CNTNAP4: variants seen among roughly 807,000 people sequenced by gnomAD.
The protein encoded by CNTNAP4 is contactin-associated protein-like 4.
CNTNAP4 carries 98 observed loss-of-function variants against 148.4 expected under a neutral mutation model. That is an observed-to-expected ratio of 0.66 (90% confidence interval 0.56 to 0.78). The LOEUF (loss-of-function observed/expected upper bound fraction) is 0.78, where lower values mean the gene tolerates loss of function less well. CNTNAP4 is among the 30% of genes least tolerant of loss of function. The probability of loss-of-function intolerance (pLI) is 0.00; values close to 1 mark genes in which losing one functional copy is unlikely to be tolerated. For missense variants in CNTNAP4, 1,935 were observed against 1,565.6 expected (o/e 1.24, Z -3.98); for synonymous variants, 730 against 565.1 (o/e 1.29, Z -4.14).
intron 4 of CNTNAP4, among the ~76,000 whole-genome samples, chr16:76,435,227 A>C (rs979069878): frequency 6.6e-6 from 1 of 152,092 alleles, no homozygotes; most frequent in Non-Finnish European, 1.5e-5. Flanking sequence ...TTATAATTCA[A>C]ATGAGTCTTT....
At chr16:76,443,420 C>T (rs1304748026) in intron 4 of CNTNAP4, among the ~76,000 whole-genome samples, 1 of 152,038 alleles carries the variant, frequency 6.6e-6, no homozygotes, top group African/African-American at 2.4e-5. Flanking sequence ...TCCATTTCTG[C>T]CAAAAATACA....
chr16:76,426,100 G>A (rs2079388537), intron 3 of CNTNAP4, among the ~76,000 whole-genome samples: 1 of 152,136 alleles, frequency 6.6e-6, no homozygotes, highest in Admixed American at 6.6e-5. Flanking sequence ...CCTGTGTTAT[G>A]TGAGCTTGAA....
chr16:76,290,235 C>A (rs899238190), intron 1 of CNTNAP4, among the ~76,000 whole-genome samples: 1 of 152,108 alleles, frequency 6.6e-6, no homozygotes, highest in Non-Finnish European at 1.5e-5. Context: ...GGCTTAGACC[C>A]AATGACTCCA....
intron 3 of CNTNAP4, among the ~76,000 whole-genome samples, chr16:76,357,860 G>A (rs2012890475): frequency 1.3e-5 from 2 of 152,016 alleles, no homozygotes; most frequent in African/African-American, 4.8e-5. Context: ...ACTTCTTTAT[G>A]GGCGAGATTT....
chr16:76,305,213 T>C (rs1960356369), intron 1 of CNTNAP4, among the ~76,000 whole-genome samples: 1 of 152,224 alleles, frequency 6.6e-6, no homozygotes, highest in African/African-American at 2.4e-5. Context: ...ATCATATAGT[T>C]ATTTCAATTT....
At position 76,316,367 on chromosome 16, in the gene CNTNAP4, G is replaced by A. The variant is rs181586099; in HGVS notation, c.86-46G>A. On this transcript the variant is annotated intron_variant, in intron 1 of 23. Coordinates refer to ENST00000611870, the MANE Select transcript of CNTNAP4 (RefSeq NM_033401.5). Reference sequence around the variant, plus strand: ...TGTTTTGTCTATTGATTCCACGAAAGCCTCAGCACTAACTAACCCTAACGT... The same window carrying A: ...TGTTTTGTCTATTGATTCCACGAAAACCTCAGCACTAACTAACCCTAACGT... 9.8e-5 allele frequency: 123 copies of A among 1,250,004 alleles called. 1 individual carries two copies. The Admixed American group carries it at 2.1e-3, about 21-fold the overall frequency. The allele number at this position is 1,250,004 out of a possible 1,614,324, so 77.4% of individuals were successfully genotyped here.
intron 1 of CNTNAP4, among the ~76,000 whole-genome samples, chr16:76,309,307 G>A (rs78329707): frequency 0.028 from 4,330 of 151,940 alleles, 205 homozygotes; most frequent in African/African-American, 0.099. Flanking sequence ...TCAAGCAGAG[G>A]CTGTTTATTT....
chr16:76,516,374 G>T (rs2083255585), intron 15 of CNTNAP4, among the ~76,000 whole-genome samples: 1 of 152,130 alleles, frequency 6.6e-6, no homozygotes, highest in African/African-American at 2.4e-5. Flanking sequence ...CCAAGTCTTT[G>T]CCATTGTAAA....
At chr16:76,485,175 T>A (rs1324880771) in intron 12 of CNTNAP4, among the ~76,000 whole-genome samples, 15 of 152,212 alleles carry the variant, frequency 9.9e-5, no homozygotes, top group Admixed American at 9.8e-4. Flanking sequence ...TGGAGTGCAA[T>A]GGCACGATCT....
intron 21 of CNTNAP4, among the ~76,000 whole-genome samples, chr16:76,552,958 AC>A (rs1337531449): frequency 6.6e-6 from 1 of 152,184 alleles, no homozygotes; most frequent in African/African-American, 2.4e-5. Context: ...TATTGTAAAT[AC>A]ATTGCAATAA....
At chr16:76,279,240 C>G (rs1349844214) in intron 1 of CNTNAP4, among the ~76,000 whole-genome samples, 1 of 152,110 alleles carries the variant, frequency 6.6e-6, no homozygotes, top group African/African-American at 2.4e-5. Flanking sequence ...GCACATCACC[C>G]CAAGCATCCT....
At chr16:76,418,332 C>A (rs1423918732) in intron 3 of CNTNAP4, among the ~76,000 whole-genome samples, 2 of 136,126 alleles carry the variant, frequency 1.5e-5, no homozygotes, top group Non-Finnish European at 3.3e-5. Flanking sequence ...TTTTCTTTTT[C>A]TATTACAGCT....
intron 15 of CNTNAP4, among the ~76,000 whole-genome samples, chr16:76,516,850 G>A (rs901149190): frequency 6.6e-6 from 1 of 152,162 alleles, no homozygotes; most frequent in Non-Finnish European, 1.5e-5. Context: ...GATCACCTGA[G>A]GTCAGGAGTT....
chr16:76,494,918 C>A lies in CNTNAP4; in HGVS notation c.2089C>A (p.Pro697Thr), dbSNP rs770173705. The change falls in exon 14 of 24, where the codon CCT becomes ACT. Residue 697 changes from proline to threonine, a missense_variant. Physicochemically the swap from Pro to Thr is conservative, Grantham distance 38. Coordinates refer to ENST00000611870, the MANE Select transcript of CNTNAP4 (RefSeq NM_033401.5). ...TCACGTTTTTCTTTCAGATGGAACC[C>A]CTCTGAGTTGGTGGGTAGGAAGAAC... ...SRLVNKQDGT[P>T]LSWWVGRTNE... The A allele has an allele frequency of 8.1e-6, 13 of 1,612,816 alleles. No homozygotes were observed. Among genetic ancestry groups the A allele is most frequent in the South Asian group, 1.1e-5 (1 of 90,962 alleles).
chr16:76,347,981 G>T (rs1364941289), intron 2 of CNTNAP4, among the ~76,000 whole-genome samples: 1 of 152,064 alleles, frequency 6.6e-6, no homozygotes, highest in Non-Finnish European at 1.5e-5. Flanking sequence ...GTTGTGTAGA[G>T]AATAGAATCT....
intron 1 of CNTNAP4, among the ~76,000 whole-genome samples, chr16:76,281,393 C>T (rs1318031520): frequency 6.6e-6 from 1 of 152,064 alleles, no homozygotes; most frequent in Non-Finnish European, 1.5e-5. Context: ...TTATTTTCAT[C>T]TATTCAGTCC....
chr16:76,513,589 T>C (rs1384221266), intron 15 of CNTNAP4, among the ~76,000 whole-genome samples: 1 of 152,216 alleles, frequency 6.6e-6, no homozygotes, highest in Non-Finnish European at 1.5e-5. Flanking sequence ...CTTTAATTAA[T>C]ATTTAAATGT....
intron 2 of CNTNAP4, among the ~76,000 whole-genome samples, chr16:76,323,403 A>T (rs1962634680): frequency 1.3e-5 from 2 of 152,170 alleles, no homozygotes; most frequent in Admixed American, 1.3e-4. Context: ...TTCCAGATTA[A>T]TTTTATGATC....
chr16:76,554,498 C>T (rs1378200274), intron 23 of CNTNAP4, among the ~76,000 whole-genome samples: 1 of 151,960 alleles, frequency 6.6e-6, no homozygotes, highest in Non-Finnish European at 1.5e-5. Context: ...AGAATTAACA[C>T]AAAAACTTTT....
Sources: gnomAD v4.1 joint callset for allele counts (sites outside exome capture counted in the v4.1 genomes callset) on GRCh38, gnomAD v4.1.1 for gene constraint, MANE v1.5 for transcripts, NCBI Gene and HGNC (gene_info 2026-07-23, HGNC 2026-07-21) for gene names.